Variants in AK3 observed in about 807,000 individuals in gnomAD.
The protein encoded by AK3 is GTP:AMP phosphotransferase AK3, mitochondrial.
AK3 carries 27 observed loss-of-function variants against 23.7 expected under a neutral mutation model. The observed-to-expected ratio is 1.14, with a 90% CI of 0.84 to 1.57. The LOEUF (loss-of-function observed/expected upper bound fraction) is 1.57, where lower values mean the gene tolerates loss of function less well. AK3 is among the 40% of genes most tolerant of loss of function. The probability of loss-of-function intolerance (pLI) is 0.00; values close to 1 mark genes in which losing one functional copy is unlikely to be tolerated. For synonymous variants in AK3, 159 were observed against 116.0 expected (o/e 1.37, Z -2.38); for missense variants, 406 against 285.6 (o/e 1.42, Z -3.04).
At chr9:4,729,480 G>T (rs565053189) in intron 1 of AK3, among the ~76,000 whole-genome samples, 26 of 151,766 alleles carry the variant, frequency 1.7e-4, no homozygotes, top group African/African-American at 2.2e-4. Context: ...TTGCAGGGAG[G>T]GGGGAAAGAC....
chr9:4,731,046 T>C (rs1434733774), intron 1 of AK3, among the ~76,000 whole-genome samples: 2 of 152,344 alleles, frequency 1.3e-5, no homozygotes, highest in African/African-American at 4.8e-5. Context: ...ACTGTTGATG[T>C]TGGTTTTACC....
rs368886471 is a variant in AK3, at chr9:4,713,132, G to T, written c.564-36C>A. ...AACAAAAACAAAACAAACACACACA[G>T]GTCTGAGTCTTCCTAATAAGCTCTT... On this transcript the variant is annotated intron_variant, in intron 4 of 4. Coordinates refer to ENST00000381809, the MANE Select transcript of AK3 (RefSeq NM_016282.4). The T allele has an allele frequency of 1.1e-4, 174 of 1,604,898 alleles. No homozygotes were observed. In the African/African-American group the frequency reaches 2.0e-3, roughly 18 times the overall value.
intron 1 of AK3, among the ~76,000 whole-genome samples, chr9:4,723,881 T>G (rs10815060): frequency 0.24 from 36,026 of 152,090 alleles, 4,573 homozygotes; most frequent in East Asian, 0.44. Context: ...ATAAATAAAT[T>G]CCCAGATGTC....
In AK3 at chr9:4,737,229, A is replaced by T. The variant is rs571486678; in HGVS notation, c.151+3708T>A. The stretch of plus-strand genomic sequence containing the variant: ...AATACAGCTTTCATGTGCTAGATTT[A>T]TGTCTGTTTCAATTCTGCTTTAAAA... On this transcript the variant is annotated intron_variant, in intron 1 of 4. Coordinates refer to ENST00000381809, the MANE Select transcript of AK3 (RefSeq NM_016282.4). Among the ~76,000 whole-genome samples, 4 of 144,558 alleles carry T rather than the reference A, an allele frequency of 2.8e-5. No homozygotes were observed. The South Asian group carries it at 9.6e-4, about 35-fold the overall frequency. 94.8% of individuals were successfully genotyped at this position (144,558 alleles called of 152,430 possible).
At chr9:4,716,102 G>T (rs12684173) in intron 4 of AK3, among the ~76,000 whole-genome samples, 37,913 of 152,036 alleles carry the variant, frequency 0.25, 4,833 homozygotes, top group Middle Eastern at 0.3. Context: ...CTGATGATAG[G>T]TGTTTTTGAA....
At chr9:4,719,978 C>T (rs1054356681) in intron 2 of AK3, among the ~76,000 whole-genome samples, 10 of 152,172 alleles carry the variant, frequency 6.6e-5, no homozygotes, top group African/African-American at 9.6e-5. Flanking sequence ...GTGGGAGAAT[C>T]GCTTGAACCC....
chr9:4,734,761 A>G (rs937180680), intron 1 of AK3, among the ~76,000 whole-genome samples: 1 of 152,248 alleles, frequency 6.6e-6, no homozygotes, highest in African/African-American at 2.4e-5. Context: ...ATGTTCACCA[A>G]CTTATGAATG....
chr9:4,714,892 C>G (rs566670188), intron 4 of AK3, among the ~76,000 whole-genome samples: 1 of 152,226 alleles, frequency 6.6e-6, no homozygotes, highest in South Asian at 2.1e-4. Flanking sequence ...AGTCAAGTCT[C>G]GCTGAGTTCT....
chr9:4,739,354 C>T (rs891423538), intron 1 of AK3, among the ~76,000 whole-genome samples: 2 of 151,524 alleles, frequency 1.3e-5, no homozygotes, highest in East Asian at 1.9e-4. Context: ...CTGCGCCTCG[C>T]TAATTGTTTT....
chr9:4,718,808 G>C (rs1182356506), intron 3 of AK3, among the ~76,000 whole-genome samples: 2 of 152,248 alleles, frequency 1.3e-5, no homozygotes, highest in East Asian at 3.9e-4. Flanking sequence ...TATTCAAAAA[G>C]ATTCAGCTAT....
intron 4 of AK3, among the ~76,000 whole-genome samples, chr9:4,714,727 A>G (rs1841673894): frequency 6.6e-6 from 1 of 152,238 alleles, no homozygotes; most frequent in Non-Finnish European, 1.5e-5. Context: ...CCAAAGAGTA[A>G]GGGCATCATG....
At position 4,719,293 on chromosome 9, in the gene AK3, G is replaced by C; in HGVS notation, c.286C>G (p.Leu96Val). 4 of 1,385,956 alleles carry C rather than the reference G, an allele frequency of 2.9e-6. No individual in the cohort carries two copies. The highest frequency in any genetic ancestry group is 3.9e-6 in the Non-Finnish European group (4 of 1,038,736). 85.9% of individuals were successfully genotyped at this position (1,385,956 alleles called of 1,614,324 possible). A position where few individuals can be genotyped will look rare whatever the true frequency, so the allele number is the denominator to read the frequency against. Residue 96 changes from leucine (L) to valine (V), a missense_variant, in exon 3 of 5, where the codon CTT becomes GTT. By Grantham distance (32) the Leu-to-Val change is conservative. Transcript: ENST00000381809. ...CTATCTAGGGCTTCTGCCTGTGGAA[G>C]TGTCCTTGGAAAACCTTTATAAAGT... The part of the protein sequence containing the change: ...SWLLDGFPRT[L>V]PQAEALDRAY...
In AK3 at chr9:4,712,921, T is replaced by C. The variant is rs1315204255; in HGVS notation, c.*55A>G. 1.3e-6 allele frequency: 2 copies of C among 1,560,888 alleles called. No homozygotes were observed. The highest frequency in any genetic ancestry group is 1.7e-6 in the Non-Finnish European group (2 of 1,151,856). ...AGTCTTAGGAAAAGCAGCTTCTAAA[T>C]GCAAGGACTAGGAGGTTTGCCCATC... On this transcript the variant is annotated 3_prime_UTR_variant, in exon 5 of 5. Coordinates refer to ENST00000381809, the MANE Select transcript of AK3 (RefSeq NM_016282.4).
rs139636226 is a variant in AK3 at position 4,718,886 on chromosome 9, C to G, written c.444+249G>C. ...TTATGAATCTCTATCAGCGCAACTC[C>G]TAACACACTCCTTGGCAGAGCAGGA... is the stretch of plus-strand genomic sequence containing the variant. On this transcript the variant is annotated intron_variant, in intron 3 of 4. Coordinates refer to ENST00000381809, the MANE Select transcript of AK3 (RefSeq NM_016282.4). Among the ~76,000 whole-genome samples the G allele has an allele frequency of 2.7e-3, 409 of 152,298 alleles. 1 individual carries two copies. The highest frequency in any genetic ancestry group is 9.1e-3 in the African/African-American group (380 of 41,552).
At chr9:4,732,053 G>C (rs551242609) in intron 1 of AK3, among the ~76,000 whole-genome samples, 49 of 152,250 alleles carry the variant, frequency 3.2e-4, no homozygotes, top group South Asian at 8.3e-4. Context: ...GGGTCCAAGT[G>C]ATCCTCCCAC....
chr9:4,733,106 C>T (rs1842192972), intron 1 of AK3, among the ~76,000 whole-genome samples: 1 of 151,998 alleles, frequency 6.6e-6, no homozygotes, highest in Non-Finnish European at 1.5e-5. Flanking sequence ...GCCTTAGCCT[C>T]CCAAAGTGCT....
chr9:4,737,446 G>C (rs1409788026), intron 1 of AK3, among the ~76,000 whole-genome samples: 1 of 152,120 alleles, frequency 6.6e-6, no homozygotes, highest in African/African-American at 2.4e-5. Flanking sequence ...CCTGAACTCA[G>C]TCTCCTCATC....
chr9:4,719,065 A>G, intron 3 of AK3, 70 bp downstream of exon 3: 1 of 1,562,596 alleles, frequency 6.4e-7, no homozygotes, highest in Non-Finnish European at 8.8e-7. Flanking sequence ...AGTTCACTCA[A>G]CTTATGTCTG....
intron 1 of AK3, among the ~76,000 whole-genome samples, chr9:4,731,586 A>C (rs1842155463): frequency 6.6e-6 from 1 of 151,672 alleles, no homozygotes; most frequent in South Asian, 2.1e-4. Context: ...AAAAAAAAAA[A>C]AGACTTAACT....
Sources: allele counts gnomAD v4.1 joint callset (sites outside exome capture counted in the v4.1 genomes callset), GRCh38; gene constraint gnomAD v4.1.1; transcripts MANE v1.5; gene names NCBI Gene and HGNC (gene_info 2026-07-23, HGNC 2026-07-21).